The following BABAM2 variants were observed in gnomAD, a reference collection of about 807,000 sequenced individuals.
BABAM2 encodes the protein BRISC and BRCA1-A complex member 2.
Under a neutral mutation model 54.7 loss-of-function variants are expected in BABAM2, and 31 were observed. That is an observed-to-expected ratio of 0.57 (90% CI 0.43 to 0.77). BABAM2 has a LOEUF of 0.77. Among genes scored for constraint, BABAM2 ranks in the 30% least tolerant of loss-of-function variants. The probability of loss-of-function intolerance (pLI) is 0.00; values close to 1 mark genes in which losing one functional copy is unlikely to be tolerated. For synonymous variants in BABAM2, 167 were observed against 162.9 expected, an observed-to-expected ratio of 1.03 and a Z score of -0.19; for missense variants, 364 against 455.8, an observed-to-expected ratio of 0.80 and a Z score of 1.83.
At chr2:28,083,071 G>A (rs926014445) in intron 6 of BABAM2, among the ~76,000 whole-genome samples, 1 of 152,056 alleles carries the variant, frequency 6.6e-6, no homozygotes, top group Non-Finnish European at 1.5e-5. Flanking sequence ...TCCTTCTTCA[G>A]CCTGTTAGAG....
chr2:28,080,889 C>T (rs72814437), intron 6 of BABAM2, among the ~76,000 whole-genome samples: 3 of 152,024 alleles, frequency 2.0e-5, no homozygotes, highest in African/African-American at 7.2e-5. Flanking sequence ...CCTATTCAAA[C>T]AGTGAAGTTA....
chr2:28,137,030 T>C (rs1670606274), intron 7 of BABAM2, among the ~76,000 whole-genome samples: 6 of 152,216 alleles, frequency 3.9e-5, no homozygotes. Context: ...AAAATTTTTA[T>C]TTTAGATGCT....
rs1671502313 is a variant in BABAM2 at position 27,975,194 on chromosome 2, AT to A, written c.206-12796del. Reference sequence around the variant, plus strand: ...AATTTTCCCTAAATTAATGTACACTATTTAGTGTAATCCCCATCAAAATCCC... The same window carrying A: ...AATTTTCCCTAAATTAATGTACACTATTAGTGTAATCCCCATCAAAATCCC... On this transcript the variant is annotated intron_variant, in intron 3 of 11. Transcript: ENST00000379624. 2.0e-5 allele frequency among the ~76,000 whole-genome samples: 3 copies of A among 152,086 alleles called. No homozygotes were observed. The South Asian group carries it at 6.2e-4, about 31-fold the overall frequency.
chr2:28,085,369 T>A lies in BABAM2; in HGVS notation c.570+39570T>A, dbSNP rs970449372. ...TGCACAATGAATGGTACATTATAAA[T>A]GTATTCTGCAGGAATGATTTATGCA... On this transcript the variant is annotated intron_variant, in intron 6 of 11. Transcript: ENST00000379624. Among the ~76,000 whole-genome samples, 7 of 152,338 alleles carry A rather than the reference T, an allele frequency of 4.6e-5. No homozygotes were observed. In the East Asian group the frequency reaches 1.2e-3, roughly 25 times the overall value.
intron 7 of BABAM2, among the ~76,000 whole-genome samples, chr2:28,210,289 A>C (rs1320956567): frequency 6.6e-6 from 1 of 152,230 alleles, no homozygotes; most frequent in African/African-American, 2.4e-5. Context: ...GAGAATAAAT[A>C]GGAAAGACAC....
At chr2:28,066,336 G>A (rs1161845727) in intron 6 of BABAM2, among the ~76,000 whole-genome samples, 1 of 152,008 alleles carries the variant, frequency 6.6e-6, no homozygotes, top group Admixed American at 6.6e-5. Context: ...TCAGTAATAT[G>A]ACAGCTTAAA....
intron 6 of BABAM2, among the ~76,000 whole-genome samples, chr2:28,097,986 T>C (rs17006512): frequency 0.02 from 3,046 of 152,358 alleles, 34 homozygotes; most frequent in African/African-American, 0.033. Flanking sequence ...ATAATTCTTC[T>C]TTTGTAACAT....
At chr2:28,104,188 A>G (rs1221675726) in intron 6 of BABAM2, among the ~76,000 whole-genome samples, 1 of 152,252 alleles carries the variant, frequency 6.6e-6, no homozygotes, top group African/African-American at 2.4e-5. Context: ...CAAAATTGAC[A>G]AATGGGATCT....
chr2:28,211,805 A>T (rs958278227), intron 7 of BABAM2, among the ~76,000 whole-genome samples: 3 of 152,232 alleles, frequency 2.0e-5, no homozygotes, highest in Non-Finnish European at 4.4e-5. Flanking sequence ...GTCTTAAAAA[A>T]ATATAGAAAA....
intron 5 of BABAM2, among the ~76,000 whole-genome samples, chr2:28,040,089 C>T (rs1676951784): frequency 6.6e-6 from 1 of 151,950 alleles, no homozygotes; most frequent in African/African-American, 2.4e-5. Context: ...GCTTGAATAG[C>T]TGTTGGAAAT....
At chr2:28,164,294 G>A (rs776531915) in intron 7 of BABAM2, among the ~76,000 whole-genome samples, 25 of 152,186 alleles carry the variant, frequency 1.6e-4, no homozygotes, top group Non-Finnish European at 3.1e-4. Flanking sequence ...AAACACAACC[G>A]AATGAGAGTT....
chr2:28,036,827 C>T (rs1340795705), intron 5 of BABAM2, among the ~76,000 whole-genome samples: 1 of 152,164 alleles, frequency 6.6e-6, no homozygotes, highest in East Asian at 1.9e-4. Flanking sequence ...ACTTCCAAAG[C>T]GTCCTGTGAA....
chr2:28,188,999 G>A (rs1017843830), intron 7 of BABAM2, among the ~76,000 whole-genome samples: 3 of 152,070 alleles, frequency 2.0e-5, no homozygotes, highest in Non-Finnish European at 2.9e-5. Context: ...TCGGGAGTTC[G>A]AGACCAGCCT....
intron 7 of BABAM2, among the ~76,000 whole-genome samples, chr2:28,140,854 T>C (rs1486512142): frequency 6.6e-6 from 1 of 152,154 alleles, no homozygotes; most frequent in Non-Finnish European, 1.5e-5. Context: ...CAAAATACCA[T>C]AGACTGGATG....
At chr2:28,172,379 T>C (rs1300205234) in intron 7 of BABAM2, among the ~76,000 whole-genome samples, 1 of 152,132 alleles carries the variant, frequency 6.6e-6, no homozygotes, top group Non-Finnish European at 1.5e-5. Context: ...GATGCATGTG[T>C]GTTTCATGGC....
chr2:28,069,960 C>G (rs1361478004), intron 6 of BABAM2, among the ~76,000 whole-genome samples: 1 of 152,202 alleles, frequency 6.6e-6, no homozygotes, highest in Non-Finnish European at 1.5e-5. Context: ...ACTGCAGCCT[C>G]TAACTGCTGG....
At chr2:27,969,566 A>G (rs1465999946) in intron 3 of BABAM2, among the ~76,000 whole-genome samples, 2 of 152,148 alleles carry the variant, frequency 1.3e-5, no homozygotes, top group Admixed American at 6.5e-5. Flanking sequence ...GCCTTTTTAT[A>G]TACTGGCCAA....
At chr2:27,903,130 T>C (rs1665933278) in intron 2 of BABAM2, among the ~76,000 whole-genome samples, 1 of 143,998 alleles carries the variant, frequency 6.9e-6, no homozygotes, top group Non-Finnish European at 1.5e-5. Flanking sequence ...TGACCTAGCC[T>C]CATTTATTGA....
chr2:28,019,813 G>T (rs969685674), intron 4 of BABAM2, among the ~76,000 whole-genome samples: 5 of 152,122 alleles, frequency 3.3e-5, no homozygotes, highest in Non-Finnish European at 7.4e-5. Context: ...TAAGTATTTG[G>T]CTTTATTTCT....
Sources: allele counts gnomAD v4.1 joint callset (sites outside exome capture counted in the v4.1 genomes callset), GRCh38; gene constraint gnomAD v4.1.1; transcripts MANE v1.5; gene names NCBI Gene and HGNC (gene_info 2026-07-23, HGNC 2026-07-21).